The following CTNNA3 variants were observed in gnomAD, a reference collection of about 807,000 sequenced individuals.
CTNNA3 encodes the protein catenin alpha 3.
CTNNA3 carries 76 observed loss-of-function variants against 95.7 expected under a neutral mutation model. That is an observed-to-expected ratio of 0.79 (90% CI 0.66 to 0.96). The LOEUF (loss-of-function observed/expected upper bound fraction) is 0.96. Ranked by LOEUF, CTNNA3 falls within the 40% of genes least tolerant of loss-of-function variation. The pLI is 0.00. For missense variants in CTNNA3, 1,191 were observed against 1,089.8 expected (o/e 1.09, Z -1.31); for synonymous variants, 431 against 374.4 (o/e 1.15, Z -1.74).
intron 12 of CTNNA3, among the ~76,000 whole-genome samples, chr10:66,316,114 T>C (rs1038525906): frequency 8.5e-5 from 13 of 152,064 alleles, no homozygotes; most frequent in Non-Finnish European, 1.5e-4. Context: ...ATATTGAGTA[T>C]TGAAATAAAT....
At chr10:66,723,400 C>T (rs1405712595) in intron 9 of CTNNA3, among the ~76,000 whole-genome samples, 1 of 152,160 alleles carries the variant, frequency 6.6e-6, no homozygotes, top group Non-Finnish European at 1.5e-5. Context: ...AATAGCACTA[C>T]AGTTAACACT....
chr10:66,268,219 A>G (rs2091200933), intron 13 of CTNNA3, among the ~76,000 whole-genome samples: 1 of 152,106 alleles, frequency 6.6e-6, no homozygotes, highest in Non-Finnish European at 1.5e-5. Context: ...TTTGACCTTT[A>G]CACTCTTTCC....
intron 6 of CTNNA3, among the ~76,000 whole-genome samples, chr10:67,200,404 A>C (rs1863592160): frequency 6.6e-6 from 1 of 152,190 alleles, no homozygotes; most frequent in South Asian, 2.1e-4. Context: ...AGGCAGTTTA[A>C]TACTCCCTAA....
intron 9 of CTNNA3, among the ~76,000 whole-genome samples, chr10:66,711,434 C>T (rs921052547): frequency 6.6e-6 from 1 of 151,868 alleles, no homozygotes; most frequent in Non-Finnish European, 1.5e-5. Context: ...TCCTAGGTGT[C>T]CCTCATTCAT....
chr10:66,580,551 C>T (rs1325923728), intron 10 of CTNNA3, among the ~76,000 whole-genome samples: 1 of 151,692 alleles, frequency 6.6e-6, no homozygotes, highest in African/African-American at 2.4e-5. Flanking sequence ...ATTCTAACAT[C>T]GCTGTCATCT....
chr10:66,027,291 AG>A (rs2079359851), intron 15 of CTNNA3, among the ~76,000 whole-genome samples: 1 of 152,170 alleles, frequency 6.6e-6, no homozygotes, highest in South Asian at 2.1e-4. Context: ...GGGGCTCAAA[AG>A]TTTAGTGATC....
intron 9 of CTNNA3, among the ~76,000 whole-genome samples, chr10:66,627,764 C>G (rs1844990172): frequency 6.6e-6 from 1 of 152,126 alleles, no homozygotes; most frequent in Admixed American, 6.5e-5. Context: ...AGATAAGTGT[C>G]TTCCTTTGAC....
chr10:66,535,579 T>C (rs983009034), intron 10 of CTNNA3, among the ~76,000 whole-genome samples: 3 of 152,186 alleles, frequency 2.0e-5, no homozygotes, highest in African/African-American at 7.2e-5. Flanking sequence ...TGTCATTCTA[T>C]GTAATGGATT....
At chr10:67,270,664 C>A (rs954170507) in intron 5 of CTNNA3, among the ~76,000 whole-genome samples, 1 of 152,112 alleles carries the variant, frequency 6.6e-6, no homozygotes, top group African/African-American at 2.4e-5. Context: ...TAGAAAGCTG[C>A]AGTCACTAAA....
intron 7 of CTNNA3, among the ~76,000 whole-genome samples, chr10:66,993,372 G>T (rs890650030): frequency 6.6e-6 from 1 of 152,106 alleles, no homozygotes; most frequent in African/African-American, 2.4e-5. Context: ...TTAAAAGAAG[G>T]TAAAGTAGAC....
intron 7 of CTNNA3, among the ~76,000 whole-genome samples, chr10:66,999,609 C>T (rs1419086668): frequency 1.3e-5 from 2 of 152,144 alleles, no homozygotes; most frequent in Non-Finnish European, 2.9e-5. Context: ...TAAATGCCAA[C>T]CTATAAATGG....
At position 66,807,467 on chromosome 10, in the gene CTNNA3, G is replaced by A. The variant is rs531110395; in HGVS notation, c.1048-31943C>T. The stretch of plus-strand genomic sequence containing the variant: ...CTGTTTCCACCATTGTTCAAGGAGG[G>A]ACTACTTTGGGAACTATCCCTGGTG... On this transcript the variant is annotated intron_variant, in intron 7 of 17. Coordinates refer to ENST00000433211, the MANE Select transcript of CTNNA3 (RefSeq NM_013266.4). Among the ~76,000 whole-genome samples the A allele has an allele frequency of 7.2e-5, 11 of 152,224 alleles. No individual in the cohort carries two copies. The South Asian group carries it at 8.3e-4, about 11-fold the overall frequency.
intron 12 of CTNNA3, among the ~76,000 whole-genome samples, chr10:66,297,217 A>G (rs1246509676): frequency 6.6e-6 from 1 of 152,114 alleles, no homozygotes; most frequent in Admixed American, 6.6e-5. Context: ...AAATAAATTT[A>G]TTTATTTTAA....
intron 9 of CTNNA3, among the ~76,000 whole-genome samples, chr10:66,636,156 C>T (rs535997442): frequency 6.6e-6 from 1 of 151,912 alleles, no homozygotes; most frequent in African/African-American, 2.4e-5. Context: ...TCTTGGGTCC[C>T]TGAATCTCAG....
chr10:67,587,148 C>A (rs1340129778), intron 3 of CTNNA3, among the ~76,000 whole-genome samples: 2 of 151,306 alleles, frequency 1.3e-5, no homozygotes, highest in Admixed American at 6.6e-5. Context: ...CCTCAGCCTC[C>A]CAAGTAGCTA....
chr10:66,903,329 C>G (rs570517940), intron 7 of CTNNA3, among the ~76,000 whole-genome samples: 3 of 152,178 alleles, frequency 2.0e-5, no homozygotes, highest in South Asian at 4.1e-4. Context: ...ATTCAATAGC[C>G]CTTCCTGCTA....
In CTNNA3 at chr10:67,026,817, G is replaced by C. The variant is rs998937123; in HGVS notation, c.1047+153500C>G. On this transcript the variant is annotated intron_variant, in intron 7 of 17. Transcript: ENST00000433211. Reference sequence around the variant, plus strand: ...GAAAAATGAAACAAACTCTTCTCATGTGTTAATTAAAAGAGTTCAGAAACC... The same window carrying C: ...GAAAAATGAAACAAACTCTTCTCATCTGTTAATTAAAAGAGTTCAGAAACC... 1.5e-4 allele frequency among the ~76,000 whole-genome samples: 23 copies of C among 152,242 alleles called. 1 individual carries two copies. The highest frequency in any genetic ancestry group is 1.0e-3 in the South Asian group (5 of 4,822).
intron 15 of CTNNA3, among the ~76,000 whole-genome samples, chr10:66,043,153 A>AAAAAG (rs2079741751): frequency 7.6e-6 from 1 of 132,288 alleles, no homozygotes. Flanking sequence ...AAAAAAAAAA[A>AAAAAG]AGAGAGAGAG....
At chr10:66,545,472 C>T (rs765236877) in intron 10 of CTNNA3, among the ~76,000 whole-genome samples, 5 of 152,022 alleles carry the variant, frequency 3.3e-5, no homozygotes, top group African/African-American at 4.8e-5. Flanking sequence ...ATTTGGATTG[C>T]TTCTAGGAAA....
Sources: gnomAD v4.1 joint callset for allele counts (sites outside exome capture counted in the v4.1 genomes callset) on GRCh38, gnomAD v4.1.1 for gene constraint, MANE v1.5 for transcripts, NCBI Gene and HGNC (gene_info 2026-07-23, HGNC 2026-07-21) for gene names.